Variants in HESX1 observed in about 807,000 individuals in gnomAD.
The protein encoded by HESX1 is HESX homeobox 1, also known as homeobox expressed in ES cells 1.
HESX1 carries 11 observed loss-of-function variants against 22.5 expected under a neutral mutation model. That is an observed-to-expected ratio of 0.49 (90% confidence interval 0.31 to 0.81). The LOEUF is 0.81. HESX1 is among the 30% of genes least tolerant of loss of function. The pLI is 0.05. For synonymous variants in HESX1, 74 were observed against 76.5 expected, an observed-to-expected ratio of 0.97 and a Z score of 0.17; for missense variants, 201 against 212.6, an observed-to-expected ratio of 0.95 and a Z score of 0.34.
At chr3:57,218,786 A>C (rs1409229344) in intron 1 of HESX1, among the ~76,000 whole-genome samples, 5 of 152,106 alleles carry the variant, frequency 3.3e-5, no homozygotes, top group Non-Finnish European at 7.4e-5. Context: ...TGTGGTGTAT[A>C]TGTACCAAAT....
At chr3:57,205,532 A>G (rs1678330852) in intron 1 of HESX1, among the ~76,000 whole-genome samples, 2 of 152,092 alleles carry the variant, frequency 1.3e-5, no homozygotes, top group African/African-American at 4.8e-5. Flanking sequence ...CCTCCCTCCC[A>G]TGTTCACTGT....
chr3:57,212,486 T>C (rs7626724), intron 1 of HESX1, among the ~76,000 whole-genome samples: 1 of 150,244 alleles, frequency 6.7e-6, no homozygotes, highest in African/African-American at 2.5e-5. Flanking sequence ...TTGAACCAGG[T>C]AGGTAGAGGT....
At chr3:57,221,991 T>C (rs534721961) in intron 1 of HESX1, among the ~76,000 whole-genome samples, 3 of 152,346 alleles carry the variant, frequency 2.0e-5, no homozygotes, top group Admixed American at 6.5e-5. Context: ...AGCTCCACAA[T>C]GACAGATATT....
At chr3:57,213,194 A>G (rs1167694529) in intron 1 of HESX1, among the ~76,000 whole-genome samples, 1 of 152,136 alleles carries the variant, frequency 6.6e-6, no homozygotes, top group African/African-American at 2.4e-5. Context: ...CCAATTTTTT[A>G]CTATACCATT....
At chr3:57,226,395 A>C (rs1352718534) in exon 1 of HESX1, 2 of 152,110 alleles carry the variant, frequency 1.3e-5, no homozygotes, top group Non-Finnish European at 2.9e-5. Flanking sequence ...ACAACTGGGA[A>C]CCCTTAACTC....
At chr3:57,203,345 A>G (rs2060500946), upstream of HESX1, among the ~76,000 whole-genome samples, 1 of 152,184 alleles carries the variant, frequency 6.6e-6, no homozygotes, top group African/African-American at 2.4e-5. Flanking sequence ...GAGAGAGGGT[A>G]GATTTGGAGA....
At chr3:57,226,267 A>T (rs564452338) in intron 1 of HESX1, 1 of 152,218 alleles carries the variant, frequency 6.6e-6, no homozygotes, top group East Asian at 1.9e-4. Flanking sequence ...TTTAAAATCT[A>T]ACTCAGTTCA....
chr3:57,220,481 G>A (rs545685583), intron 1 of HESX1, among the ~76,000 whole-genome samples: 2 of 152,144 alleles, frequency 1.3e-5, no homozygotes, highest in South Asian at 2.1e-4. Flanking sequence ...CCAGGGTGGA[G>A]TGCAGCGGTG....
chr3:57,213,186 A>G (rs2060565722), intron 1 of HESX1, among the ~76,000 whole-genome samples: 1 of 152,106 alleles, frequency 6.6e-6, no homozygotes, highest in Non-Finnish European at 1.5e-5. Context: ...GGTTGTCTCC[A>G]ATTTTTTACT....
chr3:57,215,983 A>G (rs2060580647), intron 1 of HESX1, among the ~76,000 whole-genome samples: 1 of 152,212 alleles, frequency 6.6e-6, no homozygotes, highest in South Asian at 2.1e-4. Context: ...CCATTTGAGT[A>G]GTTGCTGACA....
At chr3:57,205,726 T>C (rs1364769440) in intron 1 of HESX1, among the ~76,000 whole-genome samples, 7 of 152,216 alleles carry the variant, frequency 4.6e-5, no homozygotes, top group Non-Finnish European at 1.0e-4. Context: ...TTCTCCCCTT[T>C]TAACCTGCAA....
At chr3:57,201,281 A>G (rs1477805553), upstream of HESX1, among the ~76,000 whole-genome samples, 1 of 152,172 alleles carries the variant, frequency 6.6e-6, no homozygotes, top group Admixed American at 6.6e-5. Context: ...GGATTTATAA[A>G]TGTACGTGTA....
In HESX1 at chr3:57,225,723, T is replaced by C. The variant is rs189697045; in HGVS notation, c.-111+573A>G. Among the ~76,000 whole-genome samples the C allele has an allele frequency of 1.4e-4, 22 of 152,298 alleles. No individual in the cohort carries two copies. In the South Asian group the frequency reaches 3.3e-3, roughly 23 times the overall value. ...ATGTAATGGCCTCTTGAGAGTCCTT[T>C]ACAGAAACACAGTTTAGATGTACAT... On this transcript the variant is annotated intron_variant, in intron 1 of 2. Coordinates refer to the HESX1 transcript ENST00000495160.
intron 1 of HESX1, among the ~76,000 whole-genome samples, chr3:57,217,317 A>C (rs115785315): frequency 0.011 from 1,667 of 152,274 alleles, 28 homozygotes; most frequent in African/African-American, 0.038. Flanking sequence ...GAAATCTGTG[A>C]GTTCACATGG....
At chr3:57,211,337 G>A (rs547952114) in intron 1 of HESX1, among the ~76,000 whole-genome samples, 5 of 151,836 alleles carry the variant, frequency 3.3e-5, no homozygotes, top group East Asian at 1.9e-4. Context: ...AGACTTACCT[G>A]GGCAACACAG....
chr3:57,219,765 A>C (rs2060604369), intron 1 of HESX1, among the ~76,000 whole-genome samples: 1 of 152,150 alleles, frequency 6.6e-6, no homozygotes, highest in Admixed American at 6.6e-5. Flanking sequence ...ATAGTTTCCA[A>C]AAATTTTCTC....
In HESX1 at chr3:57,198,497, GAA is replaced by G; in HGVS notation, c.358-7_358-6del. On this transcript the variant is annotated splice_region_variant and splice_polypyrimidine_tract_variant and intron_variant, in intron 2 of 3. Coordinates refer to ENST00000295934, the MANE Select transcript of HESX1 (RefSeq NM_003865.3). Reference sequence around the variant, plus strand: ...GACATTTTCTAACACTTCAATCTAAGAAAAAAAAATGTTGATATTCAGTATGT... The same window carrying G: ...GACATTTTCTAACACTTCAATCTAAGAAAAAAATGTTGATATTCAGTATGT... The G allele has an allele frequency of 6.7e-7, 1 of 1,492,260 alleles. No individual in the cohort carries two copies. The highest frequency in any genetic ancestry group is 9.2e-7 in the Non-Finnish European group (1 of 1,082,558). 92.4% of individuals were successfully genotyped at this position (1,492,260 alleles called of 1,614,324 possible). A position where few individuals can be genotyped will look rare whatever the true frequency, so the allele number is the denominator to read the frequency against.
At chr3:57,206,662 T>C (rs1167173712) in intron 1 of HESX1, among the ~76,000 whole-genome samples, 2 of 152,188 alleles carry the variant, frequency 1.3e-5, no homozygotes, top group Non-Finnish European at 2.9e-5. Flanking sequence ...CAAATAACTT[T>C]AGCATCAAAA....
upstream of HESX1, among the ~76,000 whole-genome samples, chr3:57,204,913 G>T (rs926968743): frequency 6.6e-6 from 1 of 152,108 alleles, no homozygotes; most frequent in Non-Finnish European, 1.5e-5. Context: ...ACTGGAAAAG[G>T]AGCAGCTAGC....
Sources: allele counts gnomAD v4.1 joint callset (sites outside exome capture counted in the v4.1 genomes callset), GRCh38; gene constraint gnomAD v4.1.1; transcripts MANE v1.5; gene names NCBI Gene and HGNC (gene_info 2026-07-23, HGNC 2026-07-21).